The following APPL2 variants were observed in gnomAD, a reference collection of about 807,000 sequenced individuals.
APPL2 encodes the protein DCC-interacting protein 13-beta.
APPL2 carries 84 observed loss-of-function variants against 92.7 expected under a neutral mutation model. That is an observed-to-expected ratio of 0.91 (90% CI 0.76 to 1.09). The LOEUF (loss-of-function observed/expected upper bound fraction) is 1.09, where lower values mean the gene tolerates loss of function less well. APPL2 is among the 50% of genes least tolerant of loss of function. APPL2 has a pLI of 0.00. For synonymous variants in APPL2, 291 were observed against 291.0 expected (o/e 1.00, Z 0.00); for missense variants, 736 against 824.5 (o/e 0.89, Z 1.31).
rs563247178 is a variant in APPL2, at chr12:105,216,942, G to C, written c.285+127C>G. ...CTCTCCTAGGAAAGGAGCTTTGTAA[G>C]ATCAAGAAGTTGAGATACCTTCTCA... On this transcript the variant is annotated intron_variant, in intron 4 of 20. Coordinates refer to ENST00000258530, the MANE Select transcript of APPL2 (RefSeq NM_018171.5). 4.6e-5 allele frequency: 30 copies of C among 647,212 alleles called. No homozygotes were observed. The African/African-American group carries it at 5.5e-4, about 12-fold the overall frequency. The allele number at this position is 647,212 out of a possible 1,614,324, so 40.1% of individuals were successfully genotyped here.
chr12:105,235,812 C>A lies in APPL2; in HGVS notation c.54+147G>T, dbSNP rs1326907517. ...GGGCCCGGCCCGCCCCCTCCTCAGCCCGAGAGAACCCGGTGGGAGGCGCCG... is the reference window on the plus strand; with the variant it reads ...GGGCCCGGCCCGCCCCCTCCTCAGCACGAGAGAACCCGGTGGGAGGCGCCG... On this transcript the variant is annotated intron_variant, in intron 1 of 20. Transcript: ENST00000258530. The A allele has an allele frequency of 3.8e-5, 20 of 527,272 alleles. No homozygotes were observed. The East Asian group carries it at 6.3e-4, about 17-fold the overall frequency. The allele number at this position is 527,272 out of a possible 1,614,324, so 32.7% of individuals were successfully genotyped here. A position where few individuals can be genotyped will look rare whatever the true frequency, so the allele number is the denominator to read the frequency against.
At chr12:105,186,682 A>ATTATATCATATATGATATATC (rs1886725877) in intron 17 of APPL2, among the ~76,000 whole-genome samples, 2 of 41,756 alleles carry the variant, frequency 4.8e-5, no homozygotes, top group African/African-American at 2.2e-4. Flanking sequence ...ATGATATATC[A>ATTATATCATATATGATATATC]TATATATATC....
chr12:105,232,715 G>T (rs1236660407), intron 1 of APPL2, among the ~76,000 whole-genome samples: 1 of 137,008 alleles, frequency 7.3e-6, no homozygotes, highest in East Asian at 2.3e-4. Context: ...AGTGAGCCGT[G>T]TTCATGCCAC....
At chr12:105,177,113 T>C (rs1885621060) in intron 18 of APPL2, 97 bp from the exon 19 acceptor site, 1 of 1,594,516 alleles carries the variant, frequency 6.3e-7, no homozygotes, top group Non-Finnish European at 8.6e-7. Flanking sequence ...AAGTATCCTA[T>C]TAGTCCTATT....
chr12:105,199,381 A>G lies in APPL2; in HGVS notation c.855T>C (p.Asn285=), dbSNP rs1887943591. 1.2e-6 allele frequency: 2 copies of G among 1,611,876 alleles called. No homozygotes were observed. Among genetic ancestry groups the G allele is most frequent in the Admixed American group, 1.7e-5 (1 of 59,738 alleles). The part of the protein sequence containing the change: ...RNLIQKAGYL[N]LRNKTGLVTT... ...GACGGTGGCGTTCTCACTTTCTAAG[A>G]TTAAGGTAACCAGCCTTCTGGATGA... The change falls in exon 10 of 21, where the codon AAT becomes AAC. Residue 285 remains asparagine, a synonymous_variant. Transcript: ENST00000258530.
At chr12:105,208,061 A>G in intron 6 of APPL2, 32 bp from the exon 7 acceptor site, 1 of 1,613,668 alleles carries the variant, frequency 6.2e-7, no homozygotes, top group African/African-American at 1.3e-5. Flanking sequence ...AACACCCAGG[A>G]GGGTCAGGGT....
At chr12:105,192,428 C>T (rs1887287549) in intron 14 of APPL2, among the ~76,000 whole-genome samples, 1 of 152,154 alleles carries the variant, frequency 6.6e-6, no homozygotes, top group Non-Finnish European at 1.5e-5. Flanking sequence ...CCACAGCTCC[C>T]CACATGCTTC....
chr12:105,197,069 G>A (rs993158370), intron 11 of APPL2, among the ~76,000 whole-genome samples: 11 of 152,148 alleles, frequency 7.2e-5, no homozygotes, highest in Admixed American at 2.6e-4. Flanking sequence ...CTGATGACGG[G>A]CAGGGCCACT....
At chr12:105,196,327 C>T (rs1887637251) in intron 11 of APPL2, among the ~76,000 whole-genome samples, 1 of 151,972 alleles carries the variant, frequency 6.6e-6, no homozygotes, top group Non-Finnish European at 1.5e-5. Context: ...ACTTGGCAGC[C>T]CATTCACTCC....
At chr12:105,210,023 C>T (rs576102951) in intron 5 of APPL2, among the ~76,000 whole-genome samples, 2 of 151,972 alleles carry the variant, frequency 1.3e-5, no homozygotes, top group Non-Finnish European at 2.9e-5. Flanking sequence ...TGCAGTGGCG[C>T]GATCTCGGCT....
At chr12:105,203,614 A>G (rs1288960075) in intron 9 of APPL2, 89 bp downstream of exon 9, 2 of 1,246,908 alleles carry the variant, frequency 1.6e-6, no homozygotes, top group African/African-American at 1.5e-5. Flanking sequence ...GACCCTCCAC[A>G]GTTAGAACCC....
chr12:105,184,457 T>C (rs1163765393), intron 17 of APPL2, among the ~76,000 whole-genome samples: 1 of 152,230 alleles, frequency 6.6e-6, no homozygotes, highest in Non-Finnish European at 1.5e-5. Flanking sequence ...GTAGTCATCC[T>C]TTTTGTTGAT....
In APPL2 at chr12:105,176,983, G is replaced by A. The variant is rs920604115; in HGVS notation, c.1705C>T (p.His569Tyr). 5.0e-6 allele frequency: 8 copies of A among 1,614,094 alleles called. No individual in the cohort carries two copies. Among genetic ancestry groups the A allele is most frequent in the Non-Finnish European group, 6.8e-6 (8 of 1,180,004 alleles). ...CCAACCAGTCTCTTGTTTTCTTGAT[G>A]AGCAGCAAATTGTGTGACACTGGTA... is the stretch of plus-strand genomic sequence containing the variant. Reference protein sequence around the residue: ...ELTSVTQFAAHQENKRLVGFV... With the variant: ...ELTSVTQFAAYQENKRLVGFV... The change falls in exon 19 of 21, where the codon CAT becomes TAT. Residue 569 changes from histidine (H) to tyrosine (Y), a missense_variant. Physicochemically the swap from His to Tyr is moderately conservative, Grantham distance 83. Transcript: ENST00000258530.
intron 9 of APPL2, among the ~76,000 whole-genome samples, chr12:105,200,886 A>G (rs560953341): frequency 1.3e-4 from 17 of 126,032 alleles, no homozygotes; most frequent in African/African-American, 4.5e-4. Context: ...CTATCTATCT[A>G]TCTATCTATC....
intron 9 of APPL2, among the ~76,000 whole-genome samples, chr12:105,201,993 C>A (rs1436299586): frequency 6.6e-6 from 1 of 152,200 alleles, no homozygotes; most frequent in African/African-American, 2.4e-5. Flanking sequence ...CCTGGGTGGG[C>A]TGGCTGCTCA....
At chr12:105,179,876 T>C (rs1426586151) in intron 17 of APPL2, among the ~76,000 whole-genome samples, 1 of 152,234 alleles carries the variant, frequency 6.6e-6, no homozygotes, top group Non-Finnish European at 1.5e-5. Flanking sequence ...ATATTAGCCC[T>C]CTGTCAGATG....
chr12:105,217,812 A>G (rs549143193), intron 2 of APPL2, 87 bp from the exon 3 acceptor site: 3 of 1,307,824 alleles, frequency 2.3e-6, no homozygotes, highest in South Asian at 1.2e-5. Flanking sequence ...TCCCTTAAAA[A>G]GTAATATTGG....
intron 14 of APPL2, among the ~76,000 whole-genome samples, chr12:105,192,811 C>A (rs995826313): frequency 1.3e-5 from 2 of 152,116 alleles, no homozygotes; most frequent in Non-Finnish European, 2.9e-5. Context: ...CAGGCCTGGG[C>A]AAATAGTAGA....
At chr12:105,211,674 T>TC (rs1273740700) in intron 4 of APPL2, among the ~76,000 whole-genome samples, 3 of 152,210 alleles carry the variant, frequency 2.0e-5, no homozygotes, top group African/African-American at 7.2e-5. Flanking sequence ...CAGCCAGCTG[T>TC]CAGTGCTGTC....
Sources: allele counts gnomAD v4.1 joint callset (sites outside exome capture counted in the v4.1 genomes callset), GRCh38; gene constraint gnomAD v4.1.1; transcripts MANE v1.5; gene names NCBI Gene and HGNC (gene_info 2026-07-23, HGNC 2026-07-21).